The following ZNF438 variants were observed in gnomAD, a reference collection of about 807,000 sequenced individuals.
The protein encoded by ZNF438 is zinc finger protein 438.
In ZNF438, 25 loss-of-function variants were observed where a neutral mutation model predicts 38.0. The observed-to-expected ratio is 0.66, with a 90% CI of 0.48 to 0.92. The LOEUF is 0.92. ZNF438 is among the 40% of genes least tolerant of loss of function. ZNF438 has a pLI of 0.00. For missense variants in ZNF438, 1,007 were observed against 999.6 expected, an observed-to-expected ratio of 1.01 and a Z score of -0.10; for synonymous variants, 372 against 364.1, an observed-to-expected ratio of 1.02 and a Z score of -0.25.
chr10:30,880,044 A>C (rs746215390), intron 3 of ZNF438, among the ~76,000 whole-genome samples: 25 of 152,220 alleles, frequency 1.6e-4, no homozygotes, highest in Non-Finnish European at 3.2e-4. Context: ...ACTGGTGAAA[A>C]AAAAAAGTTT....
chr10:30,946,593 T>C (rs1170701382), intron 1 of ZNF438, among the ~76,000 whole-genome samples: 3 of 152,240 alleles, frequency 2.0e-5, no homozygotes, highest in Non-Finnish European at 4.4e-5. Flanking sequence ...CACATGACTC[T>C]TTTACTTTTA....
At chr10:30,846,565 G>C (rs2032160933) in intron 5 of ZNF438, among the ~76,000 whole-genome samples, 1 of 152,228 alleles carries the variant, frequency 6.6e-6, no homozygotes, top group Non-Finnish European at 1.5e-5. Context: ...ACACTTCATG[G>C]AGCCAGTGGG....
chr10:31,032,056 C>T (rs1015318376), upstream of ZNF438: 1 of 152,302 alleles, frequency 6.6e-6, no homozygotes, highest in Non-Finnish European at 1.5e-5. Flanking sequence ...GCCCGCATGC[C>T]TGTGGGCTTC....
At chr10:30,885,662 C>T (rs1008969339) in intron 3 of ZNF438, among the ~76,000 whole-genome samples, 3 of 152,168 alleles carry the variant, frequency 2.0e-5, no homozygotes, top group Non-Finnish European at 2.9e-5. Context: ...CTCCTGAGTG[C>T]AGCTTCTCCC....
chr10:30,901,435 G>A (rs1478696438), intron 3 of ZNF438, among the ~76,000 whole-genome samples: 1 of 151,714 alleles, frequency 6.6e-6, no homozygotes, highest in Non-Finnish European at 1.5e-5. Context: ...TCCTTCTGAT[G>A]TTCCGCTGAG....
intron 1 of ZNF438, among the ~76,000 whole-genome samples, chr10:31,021,282 C>T (rs1211091207): frequency 6.6e-6 from 1 of 151,764 alleles, no homozygotes; most frequent in Non-Finnish European, 1.5e-5. Context: ...TAATGAATGC[C>T]CTAAATTTAT....
At chr10:30,934,327 G>A (rs1376308204) in intron 2 of ZNF438, among the ~76,000 whole-genome samples, 2 of 152,114 alleles carry the variant, frequency 1.3e-5, no homozygotes, top group Admixed American at 6.5e-5. Flanking sequence ...TCCTCTACTC[G>A]TTATTTGGTG....
intron 3 of ZNF438, among the ~76,000 whole-genome samples, chr10:30,883,841 G>A (rs902229881): frequency 9.2e-5 from 14 of 152,304 alleles, no homozygotes; most frequent in Admixed American, 8.5e-4. Flanking sequence ...AGCCCTGACT[G>A]TGCCACTGCA....
chr10:30,926,802 A>T (rs2044992453), intron 2 of ZNF438, among the ~76,000 whole-genome samples: 1 of 152,190 alleles, frequency 6.6e-6, no homozygotes, highest in Admixed American at 6.5e-5. Context: ...TCCTAGGATT[A>T]TAAGAGCTGA....
intron 4 of ZNF438, among the ~76,000 whole-genome samples, chr10:30,867,035 T>C (rs1289224535): frequency 2.0e-5 from 3 of 152,152 alleles, no homozygotes; most frequent in Admixed American, 1.3e-4. Context: ...CAAAAGTACA[T>C]GGACAGGGTT....
At chr10:30,965,818 C>T (rs1196607218) in intron 1 of ZNF438, among the ~76,000 whole-genome samples, 5 of 152,128 alleles carry the variant, frequency 3.3e-5, no homozygotes, top group Non-Finnish European at 7.4e-5. Context: ...GTACTATGCT[C>T]AGTACCTAGG....
chr10:30,989,968 G>T (rs1431161952), intron 1 of ZNF438, among the ~76,000 whole-genome samples: 1 of 152,154 alleles, frequency 6.6e-6, no homozygotes, highest in African/African-American at 2.4e-5. Context: ...TTAAACAGTA[G>T]GGCTTCTAAG....
intron 1 of ZNF438, among the ~76,000 whole-genome samples, chr10:30,991,683 GC>G (rs1207281377): frequency 1.3e-5 from 2 of 152,138 alleles, no homozygotes; most frequent in African/African-American, 4.8e-5. Flanking sequence ...GGTGCTCATG[GC>G]CCCAGGATAC....
intron 2 of ZNF438, chr10:30,910,227 C>A (rs2042945559): frequency 6.6e-6 from 1 of 152,088 alleles, no homozygotes; most frequent in African/African-American, 2.4e-5. Context: ...GAGGAAAGAC[C>A]ATACTTAAAG....
chr10:30,863,857 C>T (rs760906496), intron 4 of ZNF438, among the ~76,000 whole-genome samples: 10 of 152,196 alleles, frequency 6.6e-5, no homozygotes, highest in South Asian at 2.1e-4. Flanking sequence ...CCACTTCCAC[C>T]GCCTGTTATT....
At chr10:30,926,633 T>C (rs1483990417) in intron 2 of ZNF438, among the ~76,000 whole-genome samples, 2 of 150,368 alleles carry the variant, frequency 1.3e-5, no homozygotes. Flanking sequence ...GCCACTGCAC[T>C]CCAGCCTGAG....
chr10:30,985,921 A>G (rs2052729487), intron 1 of ZNF438, among the ~76,000 whole-genome samples: 1 of 152,198 alleles, frequency 6.6e-6, no homozygotes, highest in African/African-American at 2.4e-5. Context: ...TCAACAACAG[A>G]CTGCATATAT....
intron 1 of ZNF438, among the ~76,000 whole-genome samples, chr10:30,996,581 G>A (rs1031998689): frequency 6.6e-6 from 1 of 151,604 alleles, no homozygotes; most frequent in Non-Finnish European, 1.5e-5. Context: ...AGAAAAGACA[G>A]TTGAAGGGAT....
exon 6 of ZNF438, chr10:30,844,977 C>A: frequency 5.6e-6 from 9 of 1,613,678 alleles, no homozygotes; most frequent in Non-Finnish European, 6.8e-6. Flanking sequence ...CTCAGCTTCA[C>A]TGGAAAGTTC....
Sources: allele counts gnomAD v4.1 joint callset (sites outside exome capture counted in the v4.1 genomes callset), GRCh38; gene constraint gnomAD v4.1.1; transcripts MANE v1.5; gene names NCBI Gene and HGNC (gene_info 2026-07-23, HGNC 2026-07-21).